Variants in ZFHX3 observed in about 807,000 individuals in gnomAD.
The protein encoded by ZFHX3 is zinc finger homeobox 3, also known as zinc finger homeobox protein 3.
In ZFHX3, 42 loss-of-function variants were observed where a neutral mutation model predicts 279.1. The observed-to-expected ratio is 0.15, with a 90% confidence interval of 0.12 to 0.19. The LOEUF (loss-of-function observed/expected upper bound fraction) is 0.19. Ranked by LOEUF, ZFHX3 falls within the 10% of genes least tolerant of loss-of-function variation. The probability of loss-of-function intolerance (pLI) is 1.00; values close to 1 mark genes in which losing one functional copy is unlikely to be tolerated. For missense variants in ZFHX3, 4,981 were observed against 4,754.0 expected (o/e 1.05, Z -1.40); for synonymous variants, 2,293 against 1,957.8 (o/e 1.17, Z -4.52).
At chr16:73,679,935 A>C (rs949954926) in intron 2 of ZFHX3, 1 of 152,196 alleles carries the variant, frequency 6.6e-6, no homozygotes, top group Non-Finnish European at 1.5e-5. Context: ...CAACACCTCA[A>C]TGTGCAGAGG....
At chr16:72,962,296 C>A (rs1026488613) in intron 1 of ZFHX3, among the ~76,000 whole-genome samples, 3 of 152,212 alleles carry the variant, frequency 2.0e-5, no homozygotes, top group Non-Finnish European at 2.9e-5. Flanking sequence ...TCTCTTGCTC[C>A]GTTCTCCTCT....
intron 3 of ZFHX3, among the ~76,000 whole-genome samples, chr16:72,917,296 T>C (rs939431265): frequency 2.0e-5 from 3 of 152,146 alleles, no homozygotes; most frequent in Admixed American, 1.3e-4. Flanking sequence ...GTTTTCGCCA[T>C]GTAAAATTTC....
chr16:72,945,325 C>G (rs982190222), intron 3 of ZFHX3, among the ~76,000 whole-genome samples: 2 of 152,170 alleles, frequency 1.3e-5, no homozygotes, highest in Non-Finnish European at 2.9e-5. Flanking sequence ...TTTGGTCTTT[C>G]CATCTCCTGG....
At chr16:73,491,349 G>C (rs553910958) in intron 2 of ZFHX3, among the ~76,000 whole-genome samples, 7 of 152,290 alleles carry the variant, frequency 4.6e-5, no homozygotes, top group African/African-American at 1.7e-4. Flanking sequence ...ACTGGAATTG[G>C]TCACATGGCT....
intron 4 of ZFHX3, among the ~76,000 whole-genome samples, chr16:72,868,345 C>A (rs931533803): frequency 6.6e-6 from 1 of 152,198 alleles, no homozygotes; most frequent in Admixed American, 6.5e-5. Flanking sequence ...AAGCTCACAT[C>A]CTCAGATCAT....
intron 2 of ZFHX3, among the ~76,000 whole-genome samples, chr16:73,601,560 G>A (rs2052118764): frequency 6.6e-6 from 1 of 151,960 alleles, no homozygotes; most frequent in African/African-American, 2.4e-5. Context: ...AACTCATTGA[G>A]GGCAGAAAAT....
intron 7 of ZFHX3, among the ~76,000 whole-genome samples, chr16:73,117,476 A>G (rs1966445926): frequency 1.3e-5 from 2 of 152,248 alleles, no homozygotes; most frequent in South Asian, 2.1e-4. Context: ...TCCAGGTTGA[A>G]AACACATGAT....
chr16:73,555,844 A>G (rs921519395), intron 2 of ZFHX3, among the ~76,000 whole-genome samples: 7 of 152,010 alleles, frequency 4.6e-5, no homozygotes, highest in Non-Finnish European at 1.0e-4. Flanking sequence ...AAAAAAAAAA[A>G]AGAAAAGAAA....
At chr16:73,694,819 C>T (rs1013727150) in intron 1 of ZFHX3, among the ~76,000 whole-genome samples, 5 of 152,150 alleles carry the variant, frequency 3.3e-5, no homozygotes, top group African/African-American at 7.2e-5. Flanking sequence ...ATTATGGTAA[C>T]GAATGCTGGA....
At chr16:73,510,271 T>A (rs1228106006) in intron 2 of ZFHX3, among the ~76,000 whole-genome samples, 1 of 152,174 alleles carries the variant, frequency 6.6e-6, no homozygotes, top group African/African-American at 2.4e-5. Context: ...TGTTGTCTTT[T>A]GCCTCACTAG....
chr16:73,233,699 C>A (rs2012851273), intron 5 of ZFHX3, among the ~76,000 whole-genome samples: 1 of 152,092 alleles, frequency 6.6e-6, no homozygotes, highest in Non-Finnish European at 1.5e-5. Context: ...GTGGGGACCT[C>A]AAGTAATAAA....
intron 4 of ZFHX3, among the ~76,000 whole-genome samples, chr16:73,270,623 A>G (rs377423964): frequency 5.8e-4 from 88 of 152,270 alleles, no homozygotes; most frequent in African/African-American, 2.0e-3. Flanking sequence ...GAACCTAGAG[A>G]GGGCTGATTG....
At chr16:72,878,803 G>A (rs972322426) in intron 4 of ZFHX3, among the ~76,000 whole-genome samples, 2 of 152,188 alleles carry the variant, frequency 1.3e-5, no homozygotes, top group Non-Finnish European at 2.9e-5. Context: ...CTCTGCTGCT[G>A]TCTACAGCAG....
At chr16:73,104,153 A>G (rs1597157624) in intron 7 of ZFHX3, among the ~76,000 whole-genome samples, 2 of 152,216 alleles carry the variant, frequency 1.3e-5, no homozygotes, top group South Asian at 4.1e-4. Flanking sequence ...CATAGCCACA[A>G]TCATCCAGTA....
intron 4 of ZFHX3, among the ~76,000 whole-genome samples, chr16:73,314,684 A>G: frequency 6.6e-6 from 1 of 152,206 alleles, no homozygotes; most frequent in African/African-American, 2.4e-5. Flanking sequence ...GACATCCCTG[A>G]GCTGCTCCTC....
chr16:73,044,500 T>A (rs1339156346), intron 1 of ZFHX3, among the ~76,000 whole-genome samples: 4 of 151,844 alleles, frequency 2.6e-5, no homozygotes, highest in Non-Finnish European at 4.4e-5. Context: ...TGAGATGGAG[T>A]TTATATAAGT....
intron 5 of ZFHX3, among the ~76,000 whole-genome samples, chr16:73,239,901 G>A (rs547354158): frequency 5.3e-5 from 8 of 152,148 alleles, no homozygotes; most frequent in Non-Finnish European, 1.2e-4. Context: ...CCGAACCATC[G>A]CTCCTAGGGG....
chr16:72,925,516 C>G (rs1293240809), intron 3 of ZFHX3, among the ~76,000 whole-genome samples: 2 of 152,218 alleles, frequency 1.3e-5, no homozygotes, highest in Non-Finnish European at 2.9e-5. Flanking sequence ...TGCATACGCA[C>G]GCTGTGGGGT....
chr16:73,823,899 T>G (rs1597132249), intron 1 of ZFHX3, among the ~76,000 whole-genome samples: 2 of 152,118 alleles, frequency 1.3e-5, no homozygotes, highest in African/African-American at 4.8e-5. Flanking sequence ...AGGGAAAAGG[T>G]GCATGATAAA....
Sources: gnomAD v4.1 joint callset for allele counts (sites outside exome capture counted in the v4.1 genomes callset) on GRCh38, gnomAD v4.1.1 for gene constraint, MANE v1.5 for transcripts, NCBI Gene and HGNC (gene_info 2026-07-23, HGNC 2026-07-21) for gene names.